The following SLC35G2 variants were observed in gnomAD, a reference collection of about 807,000 sequenced individuals.
The protein encoded by SLC35G2 is transmembrane protein 22.
Under a neutral mutation model 27.2 loss-of-function variants are expected in SLC35G2, and 20 were observed. That is an observed-to-expected ratio of 0.74 (90% confidence interval 0.52 to 1.07). The LOEUF is 1.07. Ranked by LOEUF, SLC35G2 falls within the 50% of genes least tolerant of loss-of-function variation. The pLI, the probability that SLC35G2 is intolerant of heterozygous loss-of-function variation, is 0.00. For synonymous variants in SLC35G2, 148 were observed against 165.3 expected, an observed-to-expected ratio of 0.90 and a Z score of 0.80; for missense variants, 416 against 493.3, an observed-to-expected ratio of 0.84 and a Z score of 1.48.
intron 1 of SLC35G2, among the ~76,000 whole-genome samples, chr3:136,840,669 G>T (rs1328563960): frequency 6.6e-6 from 1 of 151,070 alleles, no homozygotes; most frequent in African/African-American, 2.4e-5. Context: ...TGTCATCCAG[G>T]CTGAAGTGCA....
intron 1 of SLC35G2, among the ~76,000 whole-genome samples, chr3:136,821,980 T>C (rs1403419009): frequency 6.6e-6 from 1 of 152,160 alleles, no homozygotes; most frequent in Non-Finnish European, 1.5e-5. Context: ...TAATTTTTGT[T>C]GGTACATAGG....
intron 1 of SLC35G2, among the ~76,000 whole-genome samples, chr3:136,821,502 A>G (rs1021448681): frequency 2.6e-5 from 4 of 152,138 alleles, no homozygotes; most frequent in African/African-American, 9.7e-5. Flanking sequence ...ACTGGAGTGC[A>G]GTGACGTGCT....
intron 1 of SLC35G2, among the ~76,000 whole-genome samples, chr3:136,824,331 TATTG>T (rs1165719816): frequency 6.6e-6 from 1 of 152,224 alleles, no homozygotes; most frequent in Non-Finnish European, 1.5e-5. Context: ...AGTTTAACAA[TATTG>T]ATTCTTCCAA....
Position 136,839,503 on chromosome 3 carries a change from G to C in SLC35G2, c.-18-14940G>C, listed in dbSNP as rs1255316099. Among the ~76,000 whole-genome samples the C allele has an allele frequency of 2.0e-5, 3 of 152,024 alleles. No homozygotes were observed. In the East Asian group the frequency reaches 5.8e-4, roughly 29 times the overall value. ...GCCTGGTTCATTGCAGTCTCCTAAA[G>C]TCATGAACCTTGACTGAGTAGAGAG... is the stretch of plus-strand genomic sequence containing the variant. On this transcript the variant is annotated intron_variant, in intron 1 of 1. Transcript: ENST00000446465.
At chr3:136,827,323 T>C (rs7630571) in intron 1 of SLC35G2, among the ~76,000 whole-genome samples, 103,159 of 151,752 alleles carry the variant, frequency 0.68, 35,360 homozygotes, top group East Asian at 0.87. Context: ...AAGTGATCTT[T>C]CTACCTCAGA....
chr3:136,855,737 T>TA lies in SLC35G2; in HGVS notation c.*39dup, dbSNP rs1937990668. The TA allele has an allele frequency of 3.0e-6, 4 of 1,341,372 alleles. No individual in the cohort carries two copies. The African/African-American group carries it at 1.1e-4, about 36-fold the overall frequency. The allele number at this position is 1,341,372 out of a possible 1,614,324, so 83.1% of individuals were successfully genotyped here. A position where few individuals can be genotyped will look rare whatever the true frequency, so the allele number is the denominator to read the frequency against. ...TATTGTCTCATTAATGTTCAGTTAT[T>TA]ATGTATACTGCCATTTTAATGTTTA... On this transcript the variant is annotated 3_prime_UTR_variant, in exon 2 of 2. Transcript: ENST00000446465.
intron 1 of SLC35G2, among the ~76,000 whole-genome samples, chr3:136,833,057 G>A (rs1936771369): frequency 7.6e-6 from 1 of 132,162 alleles, no homozygotes; most frequent in Admixed American, 8.2e-5. Context: ...TGACAACAGC[G>A]AGACTCTGTC....
At chr3:136,849,290 C>T (rs894467119) in intron 1 of SLC35G2, among the ~76,000 whole-genome samples, 1 of 151,570 alleles carries the variant, frequency 6.6e-6, no homozygotes, top group Non-Finnish European at 1.5e-5. Context: ...ATTTTTATTG[C>T]GTGCTAAATA....
intron 1 of SLC35G2, among the ~76,000 whole-genome samples, chr3:136,828,931 G>A (rs1407409646): frequency 2.0e-5 from 3 of 152,080 alleles, no homozygotes; most frequent in Non-Finnish European, 2.9e-5. Flanking sequence ...CATGAGGCTT[G>A]CAAATACTGT....
chr3:136,835,189 A>C (rs887003609), intron 1 of SLC35G2, among the ~76,000 whole-genome samples: 2 of 152,220 alleles, frequency 1.3e-5, no homozygotes, highest in Non-Finnish European at 2.9e-5. Context: ...GTCTAGAATC[A>C]AAGTCAGGAT....
chr3:136,824,436 C>T (rs1447808331), intron 1 of SLC35G2, among the ~76,000 whole-genome samples: 1 of 152,080 alleles, frequency 6.6e-6, no homozygotes, highest in Non-Finnish European at 1.5e-5. Context: ...AGATCTTTCA[C>T]GTCTTTGGTT....
At chr3:136,846,295 A>G (rs923936143) in intron 1 of SLC35G2, among the ~76,000 whole-genome samples, 1 of 152,178 alleles carries the variant, frequency 6.6e-6, no homozygotes, top group Non-Finnish European at 1.5e-5. Flanking sequence ...AGCTTGGGAA[A>G]TAGTTCCTCT....
At chr3:136,832,250 G>A (rs910642392) in intron 1 of SLC35G2, among the ~76,000 whole-genome samples, 5 of 152,140 alleles carry the variant, frequency 3.3e-5, no homozygotes, top group African/African-American at 4.8e-5. Flanking sequence ...TTCTGACCTC[G>A]TGATCCACCT....
At chr3:136,839,436 G>GT (rs923799880) in intron 1 of SLC35G2, among the ~76,000 whole-genome samples, 3 of 151,418 alleles carry the variant, frequency 2.0e-5, no homozygotes, top group East Asian at 1.9e-4. Flanking sequence ...GCCACATAAA[G>GT]TTTTTTTTTC....
At chr3:136,826,897 G>A (rs1326784342) in intron 1 of SLC35G2, among the ~76,000 whole-genome samples, 1 of 151,844 alleles carries the variant, frequency 6.6e-6, no homozygotes, top group Non-Finnish European at 1.5e-5. Flanking sequence ...CCCTCCCAAA[G>A]TGCTAGGATT....
At chr3:136,826,967 T>TTTTC (rs141248412) in intron 1 of SLC35G2, among the ~76,000 whole-genome samples, 1,011 of 23,396 alleles carry the variant, frequency 0.043, 13 homozygotes, top group African/African-American at 0.08. Context: ...TCTTCTCTCT[T>TTTTC]TTTTCTTTTT....
chr3:136,834,334 A>G (rs1306459402), intron 1 of SLC35G2, among the ~76,000 whole-genome samples: 3 of 152,090 alleles, frequency 2.0e-5, no homozygotes, highest in African/African-American at 7.2e-5. Context: ...TTGTGTGTTT[A>G]TTATTTATTT....
At chr3:136,830,286 A>C (rs375157881) in intron 1 of SLC35G2, among the ~76,000 whole-genome samples, 53 of 134,642 alleles carry the variant, frequency 3.9e-4, no homozygotes, top group African/African-American at 1.2e-3. Context: ...TTTTTGTATT[A>C]TTATTATTTT....
At chr3:136,833,266 A>G (rs372461992) in intron 1 of SLC35G2, among the ~76,000 whole-genome samples, 5 of 152,118 alleles carry the variant, frequency 3.3e-5, no homozygotes, top group African/African-American at 1.2e-4. Context: ...GAGGGAATCA[A>G]TTTGTGACCT....
Sources: allele counts gnomAD v4.1 joint callset (sites outside exome capture counted in the v4.1 genomes callset), GRCh38; gene constraint gnomAD v4.1.1; transcripts MANE v1.5; gene names NCBI Gene and HGNC (gene_info 2026-07-23, HGNC 2026-07-21).